The following GNA14 variants were observed in gnomAD, a reference collection of about 807,000 sequenced individuals.
The protein encoded by GNA14 is G protein subunit alpha 14.
GNA14 carries 50 observed loss-of-function variants against 42.0 expected under a neutral mutation model. That is an observed-to-expected ratio of 1.19 (90% CI 0.95 to 1.51). GNA14 has a LOEUF of 1.51. Among genes scored for constraint, GNA14 ranks in the 40% most tolerant of loss-of-function variants. The probability of loss-of-function intolerance (pLI) is 0.00; values close to 1 mark genes in which losing one functional copy is unlikely to be tolerated. For missense variants in GNA14, 473 were observed against 446.2 expected (o/e 1.06, Z -0.54); for synonymous variants, 173 against 163.1 (o/e 1.06, Z -0.46).
intron 2 of GNA14, among the ~76,000 whole-genome samples, chr9:77,435,538 A>G (rs774651616): frequency 2.6e-5 from 4 of 151,822 alleles, no homozygotes; most frequent in Non-Finnish European, 4.4e-5. Context: ...TCCCCACACC[A>G]CTGATTATTA....
intron 1 of GNA14, among the ~76,000 whole-genome samples, chr9:77,601,013 C>T (rs145900791): frequency 1.4e-3 from 211 of 152,288 alleles, no homozygotes; most frequent in African/African-American, 4.2e-3. Flanking sequence ...ATCTCCGATG[C>T]GCCTGCGCAC....
chr9:77,622,159 G>A (rs1823933854), intron 1 of GNA14, among the ~76,000 whole-genome samples: 1 of 152,166 alleles, frequency 6.6e-6, no homozygotes, highest in South Asian at 2.1e-4. Flanking sequence ...ATATTAGACT[G>A]ATGAGTTTGA....
chr9:77,507,914 T>C (rs1837096846), intron 2 of GNA14, among the ~76,000 whole-genome samples: 1 of 152,158 alleles, frequency 6.6e-6, no homozygotes, highest in African/African-American at 2.4e-5. Flanking sequence ...GAGAAAGTGT[T>C]ATCATATTGG....
chr9:77,450,944 T>C (rs1387394044), intron 2 of GNA14, among the ~76,000 whole-genome samples: 2 of 152,106 alleles, frequency 1.3e-5, no homozygotes, highest in Non-Finnish European at 2.9e-5. Context: ...ATGCCTTTGC[T>C]CCTTCTTCCC....
At chr9:77,497,775 A>G (rs1047467800) in intron 2 of GNA14, among the ~76,000 whole-genome samples, 1 of 152,216 alleles carries the variant, frequency 6.6e-6, no homozygotes, top group African/African-American at 2.4e-5. Context: ...ATACATATGT[A>G]CTTTATGACC....
intron 1 of GNA14, among the ~76,000 whole-genome samples, chr9:77,561,268 T>G (rs946912147): frequency 3.3e-5 from 5 of 152,184 alleles, no homozygotes; most frequent in African/African-American, 1.2e-4. Context: ...TTTTAATCTA[T>G]CCCATTCTGT....
At chr9:77,459,578 C>T (rs1013830151) in intron 2 of GNA14, among the ~76,000 whole-genome samples, 1 of 152,196 alleles carries the variant, frequency 6.6e-6, no homozygotes, top group African/African-American at 2.4e-5. Flanking sequence ...AGGTCCTCAT[C>T]TCCAAGGTCC....
intron 1 of GNA14, among the ~76,000 whole-genome samples, chr9:77,631,490 T>TAAAAAAAAAAACAAA: frequency 9.2e-6 from 1 of 109,016 alleles, no homozygotes. Context: ...AAAAAAAAAG[T>TAAAAAAAAAAACAAA]AAAAAACCAT....
intron 2 of GNA14, among the ~76,000 whole-genome samples, chr9:77,495,816 C>T (rs1280986833): frequency 6.6e-6 from 1 of 152,138 alleles, no homozygotes; most frequent in Admixed American, 6.5e-5. Flanking sequence ...TTTTTTAATG[C>T]TCTGTTTCTT....
chr9:77,600,236 A>T (rs775193996), intron 1 of GNA14, among the ~76,000 whole-genome samples: 28 of 152,108 alleles, frequency 1.8e-4, no homozygotes, highest in Non-Finnish European at 3.2e-4. Flanking sequence ...GCCAAAGTAC[A>T]CCCCTTTTCT....
At position 77,557,770 on chromosome 9, in the gene GNA14, C is replaced by G. The variant is rs115437807; in HGVS notation, c.125-28517G>C. The stretch of plus-strand genomic sequence containing the variant: ...CCTTTAGCATTCATGACTAGACAAT[C>G]CCTAATCAAGAATGAAGAGGAAAAA... On this transcript the variant is annotated intron_variant, in intron 1 of 6. Transcript: ENST00000341700. 4.9e-3 allele frequency among the ~76,000 whole-genome samples: 744 copies of G among 152,238 alleles called. 4 individuals are homozygous for G. The highest frequency in any genetic ancestry group is 0.017 in the African/African-American group (706 of 41,524).
chr9:77,558,221 T>C (rs1247242849), intron 1 of GNA14, among the ~76,000 whole-genome samples: 2 of 152,188 alleles, frequency 1.3e-5, no homozygotes, highest in African/African-American at 2.4e-5. Flanking sequence ...AAGAAGCATT[T>C]GGAGGTGCCT....
At chr9:77,619,800 C>A (rs1451955688) in intron 1 of GNA14, among the ~76,000 whole-genome samples, 1 of 152,152 alleles carries the variant, frequency 6.6e-6, no homozygotes, top group African/African-American at 2.4e-5. Flanking sequence ...TGAATTGAAG[C>A]TAAATTTTTA....
At chr9:77,473,284 C>T (rs1307328748) in intron 2 of GNA14, among the ~76,000 whole-genome samples, 1 of 152,002 alleles carries the variant, frequency 6.6e-6, no homozygotes, top group Non-Finnish European at 1.5e-5. Context: ...TGGAAAAAAC[C>T]CATCTCTACA....
At chr9:77,601,288 C>G (rs1823560328) in intron 1 of GNA14, among the ~76,000 whole-genome samples, 1 of 152,072 alleles carries the variant, frequency 6.6e-6, no homozygotes, top group African/African-American at 2.4e-5. Flanking sequence ...ACACAAAAAC[C>G]GAGATTTAGC....
At chr9:77,504,181 TTAAGCTATGAG>T (rs747123722) in intron 2 of GNA14, among the ~76,000 whole-genome samples, 161 of 152,332 alleles carry the variant, frequency 1.1e-3, no homozygotes, top group Non-Finnish European at 1.9e-3. Flanking sequence ...CATAGCCAAC[TTAAGCTATGAG>T]TAATGGAAAC....
chr9:77,587,649 G>GAA (rs1564060458), intron 1 of GNA14, among the ~76,000 whole-genome samples: 1 of 152,152 alleles, frequency 6.6e-6, no homozygotes, highest in African/African-American at 2.4e-5. Flanking sequence ...GATGGGGAGC[G>GAA]AATGCCTAGT....
At chr9:77,482,415 C>T (rs899462100) in intron 2 of GNA14, among the ~76,000 whole-genome samples, 9 of 152,112 alleles carry the variant, frequency 5.9e-5, no homozygotes, top group African/African-American at 1.4e-4. Flanking sequence ...GAGTTTCTGT[C>T]GAGAGATCTC....
intron 2 of GNA14, among the ~76,000 whole-genome samples, chr9:77,511,234 G>C (rs902764708): frequency 2.6e-5 from 4 of 152,048 alleles, no homozygotes; most frequent in African/African-American, 9.7e-5. Context: ...ATCTGGTCAA[G>C]TTCTTCTGGG....
Sources: gnomAD v4.1 joint callset for allele counts (sites outside exome capture counted in the v4.1 genomes callset) on GRCh38, gnomAD v4.1.1 for gene constraint, MANE v1.5 for transcripts, NCBI Gene and HGNC (gene_info 2026-07-23, HGNC 2026-07-21) for gene names.